The following SMARCA2 variants were observed in gnomAD, a reference collection of about 807,000 sequenced individuals.
SMARCA2 encodes the protein SWI/SNF-related matrix-associated actin-dependent regulator of chromatin subfamily A member 2.
A neutral mutation model predicts 199.8 loss-of-function variants in SMARCA2; 61 were observed. The observed-to-expected ratio is 0.31, with a 90% CI of 0.25 to 0.38. SMARCA2 has a LOEUF of 0.38. SMARCA2 is among the 10% of genes least tolerant of loss of function. The probability of loss-of-function intolerance (pLI) is 1.00; values close to 1 mark genes in which losing one functional copy is unlikely to be tolerated. For synonymous variants in SMARCA2, 935 were observed against 732.0 expected (o/e 1.28, Z -4.48); for missense variants, 1,344 against 2,012.2 (o/e 0.67, Z 6.35).
rs1285371156 is a variant in SMARCA2, at chr9:2,170,590, C to A, written c.4253+118C>A. The A allele has an allele frequency of 2.0e-6, 3 of 1,530,288 alleles. No individual in the cohort carries two copies. Among genetic ancestry groups the A allele is most frequent in the South Asian group, 2.4e-5 (2 of 83,680 alleles). The allele number at this position is 1,530,288 out of a possible 1,614,324, so 94.8% of individuals were successfully genotyped here. On this transcript the variant is annotated intron_variant, in intron 29 of 33. Transcript: ENST00000349721. The surrounding 1 kb of genome is among the most constrained non-coding windows in gnomAD (Gnocchi z 4.7). ...AATTTCTTCGGTCACCTCCTGATCA[C>A]CCCTACTTGGAGAGCGGGATAGAGG...
At chr9:2,142,762 T>A (rs116864466) in intron 27 of SMARCA2, among the ~76,000 whole-genome samples, 6 of 152,218 alleles carry the variant, frequency 3.9e-5, no homozygotes, top group Non-Finnish European at 7.3e-5. Context: ...CTCTGGCTTA[T>A]TTTTATTCAC....
chr9:2,166,897 G>C lies in SMARCA2; in HGVS notation c.4200-3522G>C, dbSNP rs562594942. Among the ~76,000 whole-genome samples the C allele has an allele frequency of 3.9e-5, 6 of 152,248 alleles. No individual in the cohort carries two copies. The South Asian group carries it at 1.2e-3, about 32-fold the overall frequency. ...CTAGCCTTTCCAATCTATCACCCTA[G>C]AAACCCTGCCGAAAAAGTGAAATGA... On this transcript the variant is annotated intron_variant, in intron 28 of 33. Coordinates refer to ENST00000349721, the MANE Select transcript of SMARCA2 (RefSeq NM_003070.5).
chr9:2,133,812 A>G (rs1023568054), intron 27 of SMARCA2, among the ~76,000 whole-genome samples: 1 of 152,218 alleles, frequency 6.6e-6, no homozygotes, highest in Non-Finnish European at 1.5e-5. Flanking sequence ...GGTGAGCATC[A>G]GAAAAATAAC....
At chr9:2,177,771 C>T (rs1268304231) in intron 29 of SMARCA2, among the ~76,000 whole-genome samples, 8 of 152,050 alleles carry the variant, frequency 5.3e-5, no homozygotes, top group African/African-American at 4.8e-5. Context: ...AGGCTGGTCT[C>T]GAACTCCTGA....
chr9:2,088,872 A>AGATTTTTTTTT (rs1309924367), intron 19 of SMARCA2, among the ~76,000 whole-genome samples: 154 of 109,352 alleles, frequency 1.4e-3, no homozygotes, highest in South Asian at 6.6e-3. Flanking sequence ...TTACATTTTA[A>AGATTTTTTTTT]TTTTAGATTT....
chr9:2,158,857 C>A, intron 27 of SMARCA2: 4 of 1,324,454 alleles, frequency 3.0e-6, no homozygotes, highest in Non-Finnish European at 4.1e-6. Flanking sequence ...AGAAAAAGAC[C>A]CTTAGAAATC....
chr9:2,078,185 C>A (rs369803296), intron 14 of SMARCA2, among the ~76,000 whole-genome samples: 9 of 152,234 alleles, frequency 5.9e-5, no homozygotes, highest in African/African-American at 2.2e-4. Context: ...TCTTAAGACA[C>A]AATAGGCCAG....
At chr9:2,088,956 G>A (rs1821929054) in intron 19 of SMARCA2, among the ~76,000 whole-genome samples, 1 of 144,894 alleles carries the variant, frequency 6.9e-6, no homozygotes, top group African/African-American at 2.7e-5. Flanking sequence ...GCTTATAAGT[G>A]AATGGAAGAT....
At chr9:2,182,314 T>A in intron 31 of SMARCA2, 72 bp downstream of exon 31, 1 of 896,390 alleles carries the variant, frequency 1.1e-6, no homozygotes, top group Non-Finnish European at 1.8e-6. Flanking sequence ...GTAGAATATT[T>A]CATTTTCTAC....
At chr9:2,181,537 T>C (rs1388876357) in intron 29 of SMARCA2, 34 bp from the exon 30 acceptor site, 6 of 997,816 alleles carry the variant, frequency 6.0e-6, no homozygotes. Context: ...ATGTTTGATG[T>C]GGCTTGTTTT....
intron 21 of SMARCA2, among the ~76,000 whole-genome samples, chr9:2,101,156 T>C (rs566509411): frequency 5.3e-4 from 81 of 152,280 alleles, no homozygotes; most frequent in African/African-American, 1.9e-3. Flanking sequence ...AGCCAAACCC[T>C]ATCACATATA....
At chr9:2,062,375 G>A (rs1469381044) in intron 9 of SMARCA2, among the ~76,000 whole-genome samples, 1 of 152,152 alleles carries the variant, frequency 6.6e-6, no homozygotes, top group African/African-American at 2.4e-5. Flanking sequence ...AGTGTTTTTA[G>A]TATTAAAATT....
chr9:2,034,210 C>G (rs1819212235), intron 3 of SMARCA2, among the ~76,000 whole-genome samples: 1 of 140,846 alleles, frequency 7.1e-6, no homozygotes, highest in Non-Finnish European at 1.5e-5. Context: ...CACCATTGCT[C>G]TCTAGCCTGG....
intron 25 of SMARCA2, 98 bp downstream of exon 25, chr9:2,116,147 G>A (rs1823207553): frequency 1.1e-6 from 1 of 880,692 alleles, no homozygotes; most frequent in Non-Finnish European, 1.8e-6. Flanking sequence ...TCCTGGGCTG[G>A]CGTTAATGAA....
At chr9:2,176,623 C>T (rs948859297) in intron 29 of SMARCA2, among the ~76,000 whole-genome samples, 1 of 152,156 alleles carries the variant, frequency 6.6e-6, no homozygotes, top group East Asian at 1.9e-4. Context: ...ATGATCTCAG[C>T]TCGCTGCGAC....
chr9:2,074,995 A>T (rs1386946415), intron 12 of SMARCA2: 1 of 152,236 alleles, frequency 6.6e-6, no homozygotes, highest in Non-Finnish European at 1.5e-5. Context: ...GACCTACTGG[A>T]AGAAGCTTCT....
At chr9:2,112,619 T>A (rs1050582587) in intron 24 of SMARCA2, among the ~76,000 whole-genome samples, 2 of 152,174 alleles carry the variant, frequency 1.3e-5, no homozygotes, top group Admixed American at 1.3e-4. Context: ...GGATCCCAGA[T>A]TTTCTCTGGT....
rs200112528 is a variant in SMARCA2, at chr9:2,088,650, T to C, written c.2883+37T>C. ...AACCAAAAGTTGTGGGTTTTTTTTT[T>C]CCTCCAGCAAATATATTTGAAGTAC... On this transcript the variant is annotated intron_variant, in intron 19 of 33. Transcript: ENST00000349721. 2.2e-3 allele frequency: 3,128 copies of C among 1,425,470 alleles called. 7 individuals are homozygous for C. The highest frequency in any genetic ancestry group is 2.5e-3 in the Non-Finnish European group (2,546 of 1,032,512). 88.3% of individuals were successfully genotyped at this position (1,425,470 alleles called of 1,614,324 possible). A position where few individuals can be genotyped will look rare whatever the true frequency, so the allele number is the denominator to read the frequency against.
At chr9:2,137,728 T>A (rs1238933748) in intron 27 of SMARCA2, among the ~76,000 whole-genome samples, 1 of 152,204 alleles carries the variant, frequency 6.6e-6, no homozygotes. Context: ...GACTGCTATG[T>A]CCTGGTACCT....
Sources: gnomAD v4.1 joint callset for allele counts (sites outside exome capture counted in the v4.1 genomes callset) on GRCh38, gnomAD v4.1.1 for gene constraint, Gnocchi (gnomAD v3.1) non-coding constraint, MANE v1.5 for transcripts, NCBI Gene and HGNC (gene_info 2026-07-23, HGNC 2026-07-21) for gene names.